PDZD2: variants seen among roughly 807,000 people sequenced by gnomAD.
PDZD2 encodes the protein PDZ domain-containing protein 2.
PDZD2 carries 90 observed loss-of-function variants against 220.7 expected under a neutral mutation model. The ratio of observed to expected loss-of-function variants is 0.41; its 90% CI spans 0.34 to 0.49. The LOEUF is 0.49. PDZD2 is among the 20% of genes least tolerant of loss of function. The pLI is 0.28. For missense variants in PDZD2, 3,174 were observed against 3,608.5 expected (o/e 0.88, Z 3.08); for synonymous variants, 1,375 against 1,450.5 (o/e 0.95, Z 1.18).
rs528135537 is a variant in PDZD2 at position 31,831,481 on chromosome 5, G to C, written c.476+31757G>C. On this transcript the variant is annotated intron_variant, in intron 2 of 24. Coordinates refer to ENST00000438447, the MANE Select transcript of PDZD2 (RefSeq NM_178140.4). ...ATACAAAAATTGGCCGGCTGTGGTG[G>C]CTCACGCCTATAATCCCAGCACTTT... 1.6e-3 allele frequency among the ~76,000 whole-genome samples: 239 copies of C among 152,258 alleles called. 2 individuals are homozygous for C. The highest frequency in any genetic ancestry group is 5.6e-3 in the African/African-American group (231 of 41,544).
intron 1 of PDZD2, among the ~76,000 whole-genome samples, chr5:31,735,763 G>A (rs1749823013): frequency 6.6e-6 from 1 of 152,134 alleles, no homozygotes; most frequent in Admixed American, 6.6e-5. Flanking sequence ...TGGCCAACAT[G>A]GTGAAACCCC....
rs548530865 is a variant in PDZD2 at position 31,886,384 on chromosome 5, C to T, written c.476+86660C>T. On this transcript the variant is annotated intron_variant, in intron 2 of 24. Transcript: ENST00000438447. ...TGTGCCTCCCCTTGGCCCCTTCCTT[C>T]CCTGCCACTCCTTCTTCCTCCCAGC... 4.6e-5 allele frequency among the ~76,000 whole-genome samples: 7 copies of T among 152,256 alleles called. No homozygotes were observed. The East Asian group carries it at 9.6e-4, about 21-fold the overall frequency.
At chr5:32,039,222 C>T (rs569209966) in intron 7 of PDZD2, among the ~76,000 whole-genome samples, 4 of 149,948 alleles carry the variant, frequency 2.7e-5, no homozygotes, top group East Asian at 2.2e-4. Context: ...TCTTCTGCCT[C>T]GGCCTGCCGA....
At chr5:31,709,033 A>G (rs911731376) in intron 1 of PDZD2, among the ~76,000 whole-genome samples, 2 of 151,808 alleles carry the variant, frequency 1.3e-5, no homozygotes, top group African/African-American at 4.8e-5. Flanking sequence ...GATTACAGGC[A>G]CGCACCACCA....
At chr5:31,914,873 G>A (rs1460956162) in intron 2 of PDZD2, among the ~76,000 whole-genome samples, 3 of 152,174 alleles carry the variant, frequency 2.0e-5, no homozygotes, top group Non-Finnish European at 2.9e-5. Context: ...CAGTAATTCT[G>A]ACATGTGCTC....
intron 2 of PDZD2, among the ~76,000 whole-genome samples, chr5:31,854,360 G>A (rs1028880124): frequency 1.9e-4 from 29 of 152,202 alleles, no homozygotes; most frequent in Non-Finnish European, 3.8e-4. Flanking sequence ...AGGGGAGCGG[G>A]AGAAGGTATA....
At chr5:31,883,226 T>TC in intron 2 of PDZD2, among the ~76,000 whole-genome samples, 1 of 141,744 alleles carries the variant, frequency 7.1e-6, no homozygotes, top group Non-Finnish European at 1.5e-5. Context: ...CTTTTTTTTT[T>TC]TTTTTTTTTT....
intron 2 of PDZD2, among the ~76,000 whole-genome samples, chr5:31,838,467 A>G (rs1757076556): frequency 6.6e-6 from 1 of 152,246 alleles, no homozygotes; most frequent in Non-Finnish European, 1.5e-5. Context: ...CTGGAATCAC[A>G]GTCTAAAAGA....
At chr5:31,771,860 T>A (rs922687763) in intron 1 of PDZD2, among the ~76,000 whole-genome samples, 1 of 152,132 alleles carries the variant, frequency 6.6e-6, no homozygotes, top group African/African-American at 2.4e-5. Flanking sequence ...TTCTTAGGCC[T>A]CAATTTTTTT....
chr5:31,770,814 A>C (rs1752297233), intron 1 of PDZD2, among the ~76,000 whole-genome samples: 1 of 100,472 alleles, frequency 1.0e-5, no homozygotes, highest in East Asian at 2.0e-4. Context: ...TAGAGCCTCA[A>C]ATTTAGAAAA....
Position 32,074,421 on chromosome 5 carries a change from T to C in PDZD2, c.3315T>C (p.Ser1105=), listed in dbSNP as rs774314829. 1.2e-5 allele frequency: 19 copies of C among 1,613,918 alleles called. No individual in the cohort carries two copies. Among genetic ancestry groups the C allele is most frequent in the Middle Eastern group, 1.6e-4 (1 of 6,084 alleles). ...TQSPTNTGSP[S]SPQQKSEGLG... is the part of the protein sequence containing the mutation. ...GTCCGACGAACACTGGGAGCCCCAG[T>C]TCCCCCCAGCAGAAAAGTGAAGGCC... The change falls in exon 18 of 25, where the codon AGT becomes AGC. Residue 1105 remains serine (S), a synonymous_variant. Coordinates refer to ENST00000438447, the MANE Select transcript of PDZD2 (RefSeq NM_178140.4).
At chr5:31,771,411 T>TGG (rs1399894470) in intron 1 of PDZD2, among the ~76,000 whole-genome samples, 2 of 152,198 alleles carry the variant, frequency 1.3e-5, no homozygotes, top group Non-Finnish European at 2.9e-5. Flanking sequence ...TATTACATCC[T>TGG]GGGCTGATGG....
In PDZD2 at chr5:32,002,883, C is replaced by CCACACACCAA. The variant is rs1554022524; in HGVS notation, c.1254+2619_1254+2620insCAACACACAC. Among the ~76,000 whole-genome samples, 12 of 24,044 alleles carry CCACACACCAA rather than the reference C, an allele frequency of 5.0e-4. 1 individual carries two copies. The highest frequency in any genetic ancestry group is 4.5e-3 in the South Asian group (3 of 674). The allele number at this position is 24,044 out of a possible 152,430, so 15.8% of individuals were successfully genotyped here. ...ACACACCCCACATACCACACACACA[C>CCACACACCAA]CACACACACCAACACACACCCCCAC... is the stretch of plus-strand genomic sequence containing the variant. On this transcript the variant is annotated intron_variant, in intron 5 of 24. Transcript: ENST00000438447.
At chr5:31,847,082 C>CT (rs1757624148) in intron 2 of PDZD2, among the ~76,000 whole-genome samples, 1 of 152,162 alleles carries the variant, frequency 6.6e-6, no homozygotes, top group Admixed American at 6.5e-5. Flanking sequence ...CGTTAAAAAT[C>CT]TTGTCTTGAT....
chr5:31,927,415 C>T (rs111357839), intron 2 of PDZD2, among the ~76,000 whole-genome samples: 11,280 of 152,062 alleles, frequency 0.074, 605 homozygotes, highest in African/African-American at 0.15. Context: ...GACAGTGTCT[C>T]ACTCTGTCAC....
intron 19 of PDZD2, among the ~76,000 whole-genome samples, chr5:32,084,393 T>C (rs1188554676): frequency 6.6e-6 from 1 of 152,204 alleles, no homozygotes; most frequent in Non-Finnish European, 1.5e-5. Flanking sequence ...TCCGTCCTCA[T>C]CCTTCCAATG....
At chr5:32,059,062 A>G (rs373379567) in intron 12 of PDZD2, among the ~76,000 whole-genome samples, 177 bp from the exon 13 acceptor site, 4 of 152,266 alleles carry the variant, frequency 2.6e-5, no homozygotes, top group South Asian at 4.1e-4. Context: ...GGCTCATTCT[A>G]TTAACAGCAG....
chr5:31,861,966 C>T (rs868340771), intron 2 of PDZD2, among the ~76,000 whole-genome samples: 8 of 152,014 alleles, frequency 5.3e-5, no homozygotes, highest in Non-Finnish European at 1.0e-4. Context: ...TAAATGTATG[C>T]CTTATACTAT....
intron 6 of PDZD2, among the ~76,000 whole-genome samples, chr5:32,015,435 A>G (rs1184244460): frequency 6.6e-6 from 1 of 151,902 alleles, no homozygotes; most frequent in Admixed American, 6.6e-5. Context: ...CTTTTTTTGT[A>G]GGGATGGGGC....
Sources: allele counts gnomAD v4.1 joint callset (sites outside exome capture counted in the v4.1 genomes callset), GRCh38; gene constraint gnomAD v4.1.1; transcripts MANE v1.5; gene names NCBI Gene and HGNC (gene_info 2026-07-23, HGNC 2026-07-21).